TTL: variants seen among roughly 807,000 people sequenced by gnomAD.
TTL encodes tubulin tyrosine ligase.
In TTL, 10 loss-of-function variants were observed where a neutral mutation model predicts 41.1. The observed-to-expected ratio is 0.24, with a 90% CI of 0.15 to 0.41. The LOEUF (loss-of-function observed/expected upper bound fraction) is 0.41. Ranked by LOEUF, TTL falls within the 10% of genes least tolerant of loss-of-function variation. The pLI is 1.00. For missense variants in TTL, 367 were observed against 460.4 expected (o/e 0.80, Z 1.86); for synonymous variants, 175 against 175.5 (o/e 1.00, Z 0.02).
chr2:112,537,681 A>G lies in TTL; in HGVS notation c.*8886A>G, dbSNP rs1209923974. 2.0e-5 allele frequency: 3 copies of G among 152,234 alleles called. No homozygotes were observed. Among genetic ancestry groups the G allele is most frequent in the Non-Finnish European group, 4.4e-5 (3 of 68,040 alleles). The allele number at this position is 152,234 out of a possible 1,614,324, so 9.4% of individuals were successfully genotyped here. A position where few individuals can be genotyped will look rare whatever the true frequency, so the allele number is the denominator to read the frequency against. ...AGGGTCAGTCCATTAGGAAAATATG[A>G]CAATTATAAACATATGTACCTAGCA... On this transcript the variant is annotated 3_prime_UTR_variant, in exon 7 of 7. Transcript: ENST00000233336.
intron 2 of TTL, among the ~76,000 whole-genome samples, chr2:112,488,859 C>T (rs75210106): frequency 0.17 from 25,638 of 151,932 alleles, 2,452 homozygotes; most frequent in East Asian, 0.3. Context: ...GAGGCCGAGG[C>T]GGGCGGATCA....
rs1682550889 is a variant in TTL at position 112,533,740 on chromosome 2, T to G, written c.*4945T>G. 6.6e-6 allele frequency: 1 copy of G among 152,178 alleles called. No individual in the cohort carries two copies. The highest frequency in any genetic ancestry group is 1.5e-5 in the Non-Finnish European group (1 of 68,036). 9.4% of individuals were successfully genotyped at this position (152,178 alleles called of 1,614,324 possible). A position where few individuals can be genotyped will look rare whatever the true frequency, so the allele number is the denominator to read the frequency against. On this transcript the variant is annotated 3_prime_UTR_variant, in exon 7 of 7. Transcript: ENST00000233336. ...TCATGAGGGTAGAGCTCTCGTGACC[T>G]AACCTCTTACAGGTCCCACCTCTCA... is the stretch of plus-strand genomic sequence containing the variant.
rs577942534 is a variant in TTL, at chr2:112,509,480, A to G, written c.875+6299A>G. 5.9e-5 allele frequency among the ~76,000 whole-genome samples: 9 copies of G among 152,372 alleles called. No homozygotes were observed. In the East Asian group the frequency reaches 1.5e-3, roughly 26 times the overall value. Reference sequence around the variant, plus strand: ...GCAATCAGCGAGACTCCGTGGGCGTAGGACCCTCTGAGCCAGGTGTGGGAT... The same window carrying G: ...GCAATCAGCGAGACTCCGTGGGCGTGGGACCCTCTGAGCCAGGTGTGGGAT... On this transcript the variant is annotated intron_variant, in intron 5 of 6. Coordinates refer to ENST00000233336, the MANE Select transcript of TTL (RefSeq NM_153712.5).
At chr2:112,493,739 G>A (rs1559011574) in intron 2 of TTL, among the ~76,000 whole-genome samples, 1 of 152,204 alleles carries the variant, frequency 6.6e-6, no homozygotes, top group Admixed American at 6.5e-5. Flanking sequence ...CTCCCATAGA[G>A]AGTTGGGCCA....
chr2:112,482,381 G>C lies in TTL; in HGVS notation c.37G>C (p.Val13Leu), dbSNP rs1423626915. The change falls in exon 1 of 7, where the codon GTC becomes CTC. Residue 13 changes from valine (V) to leucine (L), a missense_variant. Val to Leu is a conservative substitution (Grantham distance 32, BLOSUM62 1). Coordinates refer to ENST00000233336, the MANE Select transcript of TTL (RefSeq NM_153712.5). This position sits in a 1 kb window ranked among gnomAD's most constrained non-coding sequence, Gnocchi z 5.3. ...TFVVRDENSS[V>L]YAEVSRLLLA... Reference sequence around the variant, plus strand: ...CGTGGTACGCGATGAGAACAGCAGCGTCTACGCCGAGGTCTCCCGGCTGCT... The same window carrying C: ...CGTGGTACGCGATGAGAACAGCAGCCTCTACGCCGAGGTCTCCCGGCTGCT... 1 of 1,587,998 alleles carries C rather than the reference G, an allele frequency of 6.3e-7. No homozygotes were observed. Among genetic ancestry groups the C allele is most frequent in the Non-Finnish European group, 8.6e-7 (1 of 1,168,264 alleles).
intron 6 of TTL, among the ~76,000 whole-genome samples, chr2:112,524,562 A>G (rs1030661999): frequency 6.6e-6 from 1 of 152,020 alleles, no homozygotes; most frequent in African/African-American, 2.4e-5. Context: ...GCATTTTTTC[A>G]TGTGTCTTTT....
chr2:112,501,183 G>C (rs777590105), intron 3 of TTL, 23 bp from the exon 4 acceptor site: 53 of 1,598,804 alleles, frequency 3.3e-5, no homozygotes, highest in African/African-American at 1.2e-4. Context: ...GGATTGGTTT[G>C]TCTTTTGCTT....
rs544766274 is a variant in TTL, at chr2:112,507,769, A to G, written c.875+4588A>G. 5.8e-3 allele frequency among the ~76,000 whole-genome samples: 879 copies of G among 150,900 alleles called. 18 individuals carry two copies. Among genetic ancestry groups the G allele is most frequent in the Middle Eastern group, 0.054 (16 of 294 alleles). On this transcript the variant is annotated intron_variant, in intron 5 of 6. Coordinates refer to ENST00000233336, the MANE Select transcript of TTL (RefSeq NM_153712.5). Reference sequence around the variant, plus strand: ...CACTGATGGGTCTTGACTCTATCCAACTTGCCAGTCTGTGTCTTTTAATTG... The same window carrying G: ...CACTGATGGGTCTTGACTCTATCCAGCTTGCCAGTCTGTGTCTTTTAATTG...
At chr2:112,515,523 G>T (rs1236586951) in intron 5 of TTL, among the ~76,000 whole-genome samples, 1 of 152,042 alleles carries the variant, frequency 6.6e-6, no homozygotes, top group Non-Finnish European at 1.5e-5. Flanking sequence ...TTTAAATGAG[G>T]TGTAACATCC....
Position 112,532,306 on chromosome 2 carries a change from G to A in TTL, c.*3511G>A. On this transcript the variant is annotated 3_prime_UTR_variant, in exon 7 of 7. Coordinates refer to ENST00000233336, the MANE Select transcript of TTL (RefSeq NM_153712.5). ...AGTGACGTACATGGCTCTGGTTCTGGACACAAAATCTGTACTGGAGAGGAA... is the reference window on the plus strand; with the variant it reads ...AGTGACGTACATGGCTCTGGTTCTGAACACAAAATCTGTACTGGAGAGGAA... The A allele has an allele frequency of 4.4e-6, 1 of 228,318 alleles. No homozygotes were observed. The highest frequency in any genetic ancestry group is 8.7e-6 in the Non-Finnish European group (1 of 114,968). 14.1% of individuals were successfully genotyped at this position (228,318 alleles called of 1,614,324 possible).
rs1682578497 is a variant in TTL, at chr2:112,535,233, T to C, written c.*6438T>C. 1 of 152,078 alleles carries C rather than the reference T, an allele frequency of 6.6e-6. No homozygotes were observed. Among genetic ancestry groups the C allele is most frequent in the African/African-American group, 2.4e-5 (1 of 41,402 alleles). 9.4% of individuals were successfully genotyped at this position (152,078 alleles called of 1,614,324 possible). ...GAAGTAATCAGCAAATTAGAAGTCA[T>C]TTGAGATTATCCAGTCTGTGGAACA... On this transcript the variant is annotated 3_prime_UTR_variant, in exon 7 of 7. Coordinates refer to ENST00000233336, the MANE Select transcript of TTL (RefSeq NM_153712.5).
chr2:112,487,982 C>G (rs930261873), intron 2 of TTL, among the ~76,000 whole-genome samples: 1 of 152,208 alleles, frequency 6.6e-6, no homozygotes, highest in African/African-American at 2.4e-5. Flanking sequence ...ATAGTAGCTC[C>G]TGTTAAACCA....
intron 1 of TTL, chr2:112,483,883 G>A (rs952259423): frequency 2.6e-5 from 4 of 152,212 alleles, no homozygotes; most frequent in East Asian, 1.9e-4. Flanking sequence ...GCTCCCTTTG[G>A]TTAACCGGTG....
At chr2:112,497,927 A>G (rs1171193779) in intron 3 of TTL, among the ~76,000 whole-genome samples, 1 of 152,234 alleles carries the variant, frequency 6.6e-6, no homozygotes, top group Non-Finnish European at 1.5e-5. Flanking sequence ...ACAACTCACT[A>G]AAGAGTGAGT....
chr2:112,507,725 G>A (rs1353059334), intron 5 of TTL, among the ~76,000 whole-genome samples: 1 of 150,288 alleles, frequency 6.7e-6, no homozygotes, highest in African/African-American at 2.5e-5. Flanking sequence ...CACGTGAGAT[G>A]GGTTTCCTGA....
chr2:112,514,165 C>T (rs1293513452), intron 5 of TTL, among the ~76,000 whole-genome samples: 2 of 152,124 alleles, frequency 1.3e-5, no homozygotes, highest in Non-Finnish European at 2.9e-5. Flanking sequence ...GGGCCGATCA[C>T]TTGAGGTCAG....
chr2:112,491,031 A>G (rs1296247218), intron 2 of TTL, among the ~76,000 whole-genome samples: 6 of 151,824 alleles, frequency 4.0e-5, no homozygotes, highest in African/African-American at 1.5e-4. Context: ...TCACTCTGTC[A>G]CCCAGGTTGG....
chr2:112,484,556 T>C (rs548624616), intron 1 of TTL, among the ~76,000 whole-genome samples: 2 of 152,226 alleles, frequency 1.3e-5, no homozygotes, highest in East Asian at 3.9e-4. Context: ...TGAACCACCG[T>C]GCCCGGCCAA....
At position 112,533,926 on chromosome 2, in the gene TTL, A is replaced by G. The variant is rs568687468; in HGVS notation, c.*5131A>G. The stretch of plus-strand genomic sequence containing the variant: ...GCAAGCATAATTCCTTTCAAAAATT[A>G]TGAGAGGACATCAGTGGGCATAATA... On this transcript the variant is annotated 3_prime_UTR_variant, in exon 7 of 7. Coordinates refer to ENST00000233336, the MANE Select transcript of TTL (RefSeq NM_153712.5). 1.3e-5 allele frequency: 2 copies of G among 152,356 alleles called. No individual in the cohort carries two copies. Among genetic ancestry groups the G allele is most frequent in the Admixed American group, 1.3e-4 (2 of 15,306 alleles). 9.4% of individuals were successfully genotyped at this position (152,356 alleles called of 1,614,324 possible).
Sources: allele counts gnomAD v4.1 joint callset (sites outside exome capture counted in the v4.1 genomes callset), GRCh38; gene constraint gnomAD v4.1.1; non-coding constraint Gnocchi (gnomAD v3.1); transcripts MANE v1.5; gene names NCBI Gene and HGNC (gene_info 2026-07-23, HGNC 2026-07-21).